The following SORCS3 variants were observed in gnomAD, a reference collection of about 807,000 sequenced individuals.
SORCS3 encodes sortilin related VPS10 domain containing receptor 3.
Under a neutral mutation model 146.3 loss-of-function variants are expected in SORCS3, and 57 were observed. The ratio of observed to expected loss-of-function variants is 0.39; its 90% confidence interval spans 0.31 to 0.49. The LOEUF (loss-of-function observed/expected upper bound fraction) is 0.49, where lower values mean the gene tolerates loss of function less well. SORCS3 is among the 20% of genes least tolerant of loss of function. The pLI, the probability that SORCS3 is intolerant of heterozygous loss-of-function variation, is 0.92. For synonymous variants in SORCS3, 653 were observed against 618.5 expected (o/e 1.06, Z -0.83); for missense variants, 1,341 against 1,575.5 (o/e 0.85, Z 2.52).
At chr10:105,019,951 ATTGAT>A (rs2055189148) in intron 4 of SORCS3, among the ~76,000 whole-genome samples, 1 of 152,200 alleles carries the variant, frequency 6.6e-6, no homozygotes, top group South Asian at 2.1e-4. Context: ...TTAAAAGGGC[ATTGAT>A]TACCATAGAA....
chr10:104,880,658 C>T (rs998291644), intron 2 of SORCS3, among the ~76,000 whole-genome samples: 1 of 152,134 alleles, frequency 6.6e-6, no homozygotes, highest in African/African-American at 2.4e-5. Context: ...GGCCCTCCCC[C>T]GTCTGCTGGA....
chr10:105,198,900 C>T (rs567412628), intron 14 of SORCS3, among the ~76,000 whole-genome samples: 12 of 152,264 alleles, frequency 7.9e-5, no homozygotes, highest in African/African-American at 2.9e-4. Context: ...TCCACAAAAG[C>T]AACTCTATAT....
chr10:105,006,718 G>A (rs770244281), intron 4 of SORCS3, among the ~76,000 whole-genome samples: 2 of 152,112 alleles, frequency 1.3e-5, no homozygotes, highest in East Asian at 3.8e-4. Context: ...GTCTTGCACT[G>A]TTTGGGATAT....
chr10:104,888,660 A>G (rs2018717846), intron 2 of SORCS3, among the ~76,000 whole-genome samples: 1 of 152,226 alleles, frequency 6.6e-6, no homozygotes, highest in African/African-American at 2.4e-5. Context: ...TTAAATACTT[A>G]ACAATTGGTA....
chr10:105,201,385 C>T lies in SORCS3; in HGVS notation c.2261+132C>T, dbSNP rs2056573873. 1.0e-5 allele frequency: 11 copies of T among 1,096,744 alleles called. No homozygotes were observed. In the South Asian group the frequency reaches 1.2e-4, roughly 12 times the overall value. 67.9% of individuals were successfully genotyped at this position (1,096,744 alleles called of 1,614,324 possible). A position where few individuals can be genotyped will look rare whatever the true frequency, so the allele number is the denominator to read the frequency against. On this transcript the variant is annotated intron_variant, in intron 16 of 26. Coordinates refer to ENST00000369701, the MANE Select transcript of SORCS3 (RefSeq NM_014978.3). ...GGAGGTGTATCTGCTGGCCTGTGGGCCCATCCATCCCAGTTACTGGGCCAG... is the reference window on the plus strand; with the variant it reads ...GGAGGTGTATCTGCTGGCCTGTGGGTCCATCCATCCCAGTTACTGGGCCAG...
chr10:105,072,659 CTTTT>C (rs545305956), intron 5 of SORCS3, among the ~76,000 whole-genome samples: 5 of 16,624 alleles, frequency 3.0e-4, no homozygotes, highest in South Asian at 2.7e-3. Flanking sequence ...CTCTCTCTCT[CTTTT>C]TTTTTTTTTT....
intron 1 of SORCS3, among the ~76,000 whole-genome samples, chr10:104,658,354 G>A (rs1159324071): frequency 2.0e-5 from 3 of 152,190 alleles, no homozygotes; most frequent in Non-Finnish European, 4.4e-5. Context: ...TATTATGTCT[G>A]CATGCTTCTA....
intron 14 of SORCS3, among the ~76,000 whole-genome samples, chr10:105,183,407 C>T (rs1405976844): frequency 1.3e-5 from 2 of 152,030 alleles, no homozygotes; most frequent in African/African-American, 4.8e-5. Context: ...ACTTAAAAAA[C>T]TGTGACCACA....
At chr10:104,802,226 G>A (rs1331978703) in intron 1 of SORCS3, among the ~76,000 whole-genome samples, 1 of 152,168 alleles carries the variant, frequency 6.6e-6, no homozygotes, top group Non-Finnish European at 1.5e-5. Context: ...AGACTGTCAG[G>A]TGATAGGAAG....
intron 1 of SORCS3, among the ~76,000 whole-genome samples, chr10:104,730,512 A>G (rs2016693558): frequency 6.6e-6 from 1 of 152,198 alleles, no homozygotes; most frequent in Non-Finnish European, 1.5e-5. Context: ...ACCAGATAGG[A>G]CATCTCTTTT....
chr10:105,136,978 T>C (rs1472572691), intron 7 of SORCS3, among the ~76,000 whole-genome samples: 1 of 152,156 alleles, frequency 6.6e-6, no homozygotes, highest in Non-Finnish European at 1.5e-5. Context: ...AGGGCTCTAA[T>C]AGACATGGGA....
At chr10:104,774,799 T>G (rs1479331108) in intron 1 of SORCS3, among the ~76,000 whole-genome samples, 6 of 152,168 alleles carry the variant, frequency 3.9e-5, no homozygotes, top group African/African-American at 1.4e-4. Flanking sequence ...CATCTGCACC[T>G]TAGTTTACCT....
chr10:104,987,392 C>A (rs2054968597), intron 4 of SORCS3, among the ~76,000 whole-genome samples: 1 of 151,922 alleles, frequency 6.6e-6, no homozygotes, highest in African/African-American at 2.4e-5. Context: ...ATTAAAAATT[C>A]TTTAAGTAAT....
Position 105,264,625 on chromosome 10 carries a change from A to T in SORCS3, c.*1251A>T, listed in dbSNP as rs2119782789. The T allele has an allele frequency of 6.5e-6, 1 of 152,776 alleles. No homozygotes were observed. The highest frequency in any genetic ancestry group is 2.1e-4 in the South Asian group (1 of 4,832). 9.5% of individuals were successfully genotyped at this position (152,776 alleles called of 1,614,324 possible). ...AATGATATTAGTCAAAGGCAATTTT[A>T]GCAAAGCTGTGCTATTTGCTTGTCA... On this transcript the variant is annotated 3_prime_UTR_variant, in exon 27 of 27. Transcript: ENST00000369701.
At chr10:105,174,683 C>T (rs911634768) in intron 13 of SORCS3, among the ~76,000 whole-genome samples, 2 of 152,078 alleles carry the variant, frequency 1.3e-5, no homozygotes, top group Non-Finnish European at 2.9e-5. Flanking sequence ...CAGTTATTGT[C>T]TATGCTACCT....
chr10:105,221,950 G>T (rs1032979229), intron 19 of SORCS3, among the ~76,000 whole-genome samples: 3 of 151,074 alleles, frequency 2.0e-5, no homozygotes, highest in African/African-American at 7.3e-5. Context: ...AGGAAAGTAA[G>T]GGAAGGAGTT....
In SORCS3 at chr10:105,214,623, C is replaced by A; in HGVS notation, c.2547+10C>A. On this transcript the variant is annotated intron_variant, in intron 18 of 26. Transcript: ENST00000369701. ...CATCCTCATGGAGGAGGTAGGTGCTCAACTGGGTCTCTGAGGTCAGAACTC... is the reference window on the plus strand; with the variant it reads ...CATCCTCATGGAGGAGGTAGGTGCTAAACTGGGTCTCTGAGGTCAGAACTC... 1 of 1,551,658 alleles carries A rather than the reference C, an allele frequency of 6.4e-7. No individual in the cohort carries two copies. The highest frequency in any genetic ancestry group is 1.2e-5 in the South Asian group (1 of 80,796).
intron 3 of SORCS3, among the ~76,000 whole-genome samples, chr10:104,943,906 T>C (rs2019344777): frequency 6.6e-6 from 1 of 152,138 alleles, no homozygotes; most frequent in Admixed American, 6.6e-5. Context: ...TCCATATATA[T>C]ACAGTTGCTT....
chr10:105,058,034 A>G (rs1031181319), intron 5 of SORCS3, among the ~76,000 whole-genome samples: 1 of 152,192 alleles, frequency 6.6e-6, no homozygotes, highest in African/African-American at 2.4e-5. Context: ...CAGCCATGTC[A>G]TATTCCGACA....
Sources: allele counts gnomAD v4.1 joint callset (sites outside exome capture counted in the v4.1 genomes callset), GRCh38; gene constraint gnomAD v4.1.1; transcripts MANE v1.5; gene names NCBI Gene and HGNC (gene_info 2026-07-23, HGNC 2026-07-21).